Variants in TMEM108 observed in about 807,000 individuals in gnomAD.
TMEM108 encodes cancer/testis antigen 124.
TMEM108 carries 12 observed loss-of-function variants against 35.1 expected under a neutral mutation model. That is an observed-to-expected ratio of 0.34 (90% CI 0.22 to 0.55). TMEM108 has a LOEUF of 0.55. Among genes scored for constraint, TMEM108 ranks in the 20% least tolerant of loss-of-function variants. TMEM108 has a pLI of 0.89. For missense variants in TMEM108, 680 were observed against 753.3 expected, an observed-to-expected ratio of 0.90 and a Z score of 1.14; for synonymous variants, 287 against 308.6, an observed-to-expected ratio of 0.93 and a Z score of 0.73.
chr3:133,097,257 G>T (rs1201576343), intron 2 of TMEM108, among the ~76,000 whole-genome samples: 1 of 152,198 alleles, frequency 6.6e-6, no homozygotes, highest in African/African-American at 2.4e-5. Flanking sequence ...TTCTTTGGAG[G>T]TTAATGAATT....
At chr3:133,379,497 G>A (rs1034170694) in intron 3 of TMEM108, among the ~76,000 whole-genome samples, 2 of 152,148 alleles carry the variant, frequency 1.3e-5, no homozygotes, top group Admixed American at 6.5e-5. Flanking sequence ...GAAAGGAGGA[G>A]CCTGGCCAGG....
intron 2 of TMEM108, among the ~76,000 whole-genome samples, chr3:133,144,421 T>C (rs1420497420): frequency 1.3e-5 from 2 of 152,112 alleles, no homozygotes; most frequent in Non-Finnish European, 2.9e-5. Context: ...TGAATAGTGC[T>C]GCAATAAACA....
intron 2 of TMEM108, among the ~76,000 whole-genome samples, chr3:133,172,354 G>T (rs1461953324): frequency 6.6e-6 from 1 of 152,186 alleles, no homozygotes; most frequent in South Asian, 2.1e-4. Context: ...TAGAAATGAT[G>T]TTGGAAAACT....
intron 3 of TMEM108, among the ~76,000 whole-genome samples, chr3:133,375,032 T>C (rs2072793652): frequency 6.6e-6 from 1 of 152,232 alleles, no homozygotes; most frequent in Admixed American, 6.5e-5. Context: ...TCTGTGCTTC[T>C]TTTCCTCAAT....
intron 2 of TMEM108, among the ~76,000 whole-genome samples, chr3:133,156,326 A>G (rs1027488275): frequency 6.6e-6 from 1 of 152,182 alleles, no homozygotes; most frequent in African/African-American, 2.4e-5. Context: ...ATCTTCAGGA[A>G]GCACAGAATT....
chr3:133,388,758 T>C (rs2073190376), intron 4 of TMEM108: 1 of 985,416 alleles, frequency 1.0e-6, no homozygotes, highest in African/African-American at 1.7e-5. Flanking sequence ...AGCTACAGAA[T>C]TCCCCAGGCA....
chr3:133,255,020 G>C lies in TMEM108; in HGVS notation c.40+25669G>C, dbSNP rs141483621. Among the ~76,000 whole-genome samples the C allele has an allele frequency of 2.4e-3, 360 of 152,308 alleles. 2 individuals carry two copies. Among genetic ancestry groups the C allele is most frequent in the African/African-American group, 7.9e-3 (330 of 41,564 alleles). ...TGTGGCCTTGACTTCTTCACAGTAT[G>C]TTAATTGGTTCCCAGGGTGTGTGCA... On this transcript the variant is annotated intron_variant, in intron 3 of 5. Coordinates refer to ENST00000321871, the MANE Select transcript of TMEM108 (RefSeq NM_023943.4).
intron 3 of TMEM108, among the ~76,000 whole-genome samples, chr3:133,292,930 A>G (rs1947093307): frequency 6.6e-6 from 1 of 152,202 alleles, no homozygotes; most frequent in Admixed American, 6.5e-5. Context: ...TTCCCTATCT[A>G]TAAAGTTGGT....
chr3:133,263,161 T>C (rs1946649457), intron 3 of TMEM108, among the ~76,000 whole-genome samples: 1 of 152,232 alleles, frequency 6.6e-6, no homozygotes, highest in Admixed American at 6.5e-5. Flanking sequence ...TGTGGTGAAC[T>C]GGAAAGCTTT....
At chr3:133,056,187 A>G (rs1415279289) in intron 2 of TMEM108, among the ~76,000 whole-genome samples, 1 of 152,142 alleles carries the variant, frequency 6.6e-6, no homozygotes, top group Non-Finnish European at 1.5e-5. Context: ...AAGTTGGCAT[A>G]AAGACACAGG....
chr3:133,265,145 C>T (rs887478569), intron 3 of TMEM108, among the ~76,000 whole-genome samples: 5 of 152,198 alleles, frequency 3.3e-5, no homozygotes, highest in African/African-American at 7.2e-5. Flanking sequence ...ATTACATATA[C>T]CCAGATGGAT....
chr3:133,384,846 A>G (rs2073105284), intron 4 of TMEM108, among the ~76,000 whole-genome samples: 1 of 152,202 alleles, frequency 6.6e-6, no homozygotes, highest in Admixed American at 6.5e-5. Flanking sequence ...CTGCAAGAAG[A>G]TGGGGCTGTT....
chr3:133,380,951 G>T lies in TMEM108; in HGVS notation c.1240G>T (p.Val414Leu). 6.2e-7 allele frequency: 1 copy of T among 1,614,120 alleles called. No individual in the cohort carries two copies. The highest frequency in any genetic ancestry group is 1.3e-5 in the African/African-American group (1 of 75,008). ...GGCCACCCTCACCATGACCGACCGG[G>T]TGCCCAGTCCTCTCTCCACAGTGGT... is the stretch of plus-strand genomic sequence containing the variant. Reference protein sequence around the residue: ...TVATLTMTDRVPSPLSTVVST... With the variant: ...TVATLTMTDRLPSPLSTVVST... The change falls in exon 4 of 6, where the codon GTG (valine) becomes TTG (leucine). Residue 414 changes from valine to leucine, a missense_variant. Physicochemically the swap from Val to Leu is conservative, Grantham distance 32 (BLOSUM62 1). Coordinates refer to ENST00000321871, the MANE Select transcript of TMEM108 (RefSeq NM_023943.4). This position sits in a 1 kb window ranked among gnomAD's most constrained non-coding sequence, Gnocchi z 5.3.
chr3:133,090,142 A>G (rs1014412533), intron 2 of TMEM108, among the ~76,000 whole-genome samples: 13 of 152,336 alleles, frequency 8.5e-5, no homozygotes, highest in African/African-American at 3.1e-4. Flanking sequence ...TACAAAATGA[A>G]TCATTACCTG....
intron 2 of TMEM108, among the ~76,000 whole-genome samples, chr3:133,183,377 TG>T (rs200479856): frequency 0.014 from 2,107 of 152,214 alleles, 51 homozygotes; most frequent in African/African-American, 0.048. Context: ...GCGTAGGAGA[TG>T]GTGGCACTGG....
Position 133,380,161 on chromosome 3 carries a change from C to G in TMEM108, c.450C>G (p.Thr150=). ...TILLTKPPGA[T]SRPTTAPPRT... ...TGCTGACAAAGCCACCGGGGGCCAC[C>G]AGCCGCCCCACCACAGCGCCCCCCC... The change falls in exon 4 of 6, where the codon ACC becomes ACG. Residue 150 remains threonine (T), a synonymous_variant. Coordinates refer to ENST00000321871, the MANE Select transcript of TMEM108 (RefSeq NM_023943.4). This position sits in a 1 kb window ranked among gnomAD's most constrained non-coding sequence, Gnocchi z 5.3. 6.2e-7 allele frequency: 1 copy of G among 1,612,960 alleles called. No homozygotes were observed. The highest frequency in any genetic ancestry group is 8.5e-7 in the Non-Finnish European group (1 of 1,179,540).
intron 3 of TMEM108, among the ~76,000 whole-genome samples, chr3:133,304,000 TC>T (rs1259165500): frequency 6.6e-6 from 1 of 152,214 alleles, no homozygotes; most frequent in Non-Finnish European, 1.5e-5. Flanking sequence ...CGATTTGAGA[TC>T]CAGCTTCAAC....
At chr3:133,219,993 A>G (rs926926192) in intron 2 of TMEM108, among the ~76,000 whole-genome samples, 4 of 151,446 alleles carry the variant, frequency 2.6e-5, no homozygotes, top group African/African-American at 7.3e-5. Context: ...AGGTGCTCCA[A>G]TGTTGGATGC....
At chr3:133,219,754 A>G (rs1028129962) in intron 2 of TMEM108, among the ~76,000 whole-genome samples, 5 of 152,136 alleles carry the variant, frequency 3.3e-5, no homozygotes, top group African/African-American at 7.2e-5. Flanking sequence ...TATATAGTCT[A>G]TCCTGGAAAA....
Sources: allele counts gnomAD v4.1 joint callset (sites outside exome capture counted in the v4.1 genomes callset), GRCh38; gene constraint gnomAD v4.1.1; non-coding constraint Gnocchi (gnomAD v3.1); transcripts MANE v1.5; gene names NCBI Gene and HGNC (gene_info 2026-07-23, HGNC 2026-07-21).